LIPC: variants seen among roughly 807,000 people sequenced by gnomAD.
LIPC encodes the protein hepatic triacylglycerol lipase.
In LIPC, 44 loss-of-function variants were observed where a neutral mutation model predicts 50.7. The ratio of observed to expected loss-of-function variants is 0.87; its 90% CI spans 0.68 to 1.11. The LOEUF is 1.11. Ranked by LOEUF, LIPC falls within the 50% of genes most tolerant of loss-of-function variation. The pLI, the probability that LIPC is intolerant of heterozygous loss-of-function variation, is 0.00. For synonymous variants in LIPC, 271 were observed against 256.4 expected (o/e 1.06, Z -0.54); for missense variants, 697 against 648.2 (o/e 1.08, Z -0.82).
chr15:58,492,462 C>T (rs1468822969), intron 1 of LIPC, among the ~76,000 whole-genome samples: 1 of 152,202 alleles, frequency 6.6e-6, no homozygotes, highest in Non-Finnish European at 1.5e-5. Flanking sequence ...CATTCTCCTA[C>T]TCTAAACCCC....
chr15:58,472,499 C>G (rs530409696), intron 1 of LIPC, among the ~76,000 whole-genome samples: 46 of 148,292 alleles, frequency 3.1e-4, no homozygotes, highest in Admixed American at 6.8e-4. Flanking sequence ...TCACTTGATC[C>G]TGGGAGATGG....
intron 1 of LIPC, among the ~76,000 whole-genome samples, chr15:58,449,298 T>C (rs554267015): frequency 6.6e-6 from 1 of 152,206 alleles, no homozygotes; most frequent in African/African-American, 2.4e-5. Context: ...TGGGTTGTAT[T>C]TGCAAGGATG....
intron 1 of LIPC, among the ~76,000 whole-genome samples, chr15:58,511,369 G>T (rs1029763616): frequency 6.6e-5 from 10 of 152,152 alleles, no homozygotes; most frequent in Non-Finnish European, 1.5e-4. Flanking sequence ...AACGCAAGGA[G>T]ATGCAGGCAA....
intron 1 of LIPC, among the ~76,000 whole-genome samples, chr15:58,531,479 G>A (rs1412800332): frequency 6.6e-6 from 1 of 152,076 alleles, no homozygotes; most frequent in Non-Finnish European, 1.5e-5. Flanking sequence ...AGCCTGAAGT[G>A]CAGTAGAATT....
chr15:58,488,752 G>A (rs1465982396), intron 1 of LIPC, among the ~76,000 whole-genome samples: 1 of 152,122 alleles, frequency 6.6e-6, no homozygotes, highest in Non-Finnish European at 1.5e-5. Flanking sequence ...TTGTACAGAT[G>A]AGCACCTTTC....
chr15:58,508,923 C>T (rs1892248741), intron 1 of LIPC, among the ~76,000 whole-genome samples: 1 of 152,086 alleles, frequency 6.6e-6, no homozygotes, highest in Admixed American at 6.5e-5. Context: ...CCCAGCCTCT[C>T]TGTTGAGTAC....
At chr15:58,442,335 A>C (rs1595849530) in intron 1 of LIPC, among the ~76,000 whole-genome samples, 1 of 152,198 alleles carries the variant, frequency 6.6e-6, no homozygotes, top group African/African-American at 2.4e-5. Flanking sequence ...CTGAACCTTA[A>C]TTGACTCATT....
chr15:58,541,694 T>C (rs890932629), intron 2 of LIPC, 91 bp from the exon 3 acceptor site: 91 of 1,322,358 alleles, frequency 6.9e-5, no homozygotes, highest in Non-Finnish European at 8.7e-5. Flanking sequence ...TAGCAAGCCC[T>C]TCCTCCAGCA....
At chr15:58,568,472 T>C (rs1219460546) in intron 8 of LIPC, among the ~76,000 whole-genome samples, 1 of 152,228 alleles carries the variant, frequency 6.6e-6, no homozygotes, top group Non-Finnish European at 1.5e-5. Context: ...CCCAGGACTT[T>C]CCTTCTTACA....
chr15:58,509,382 A>G (rs1460398123), intron 1 of LIPC, among the ~76,000 whole-genome samples: 1 of 152,194 alleles, frequency 6.6e-6, no homozygotes, highest in Admixed American at 6.5e-5. Context: ...TGTAGAATCA[A>G]GAAGACTGAA....
chr15:58,486,510 C>T (rs1296268746), intron 1 of LIPC, among the ~76,000 whole-genome samples: 4 of 152,212 alleles, frequency 2.6e-5, no homozygotes, highest in African/African-American at 9.6e-5. Flanking sequence ...TGAGATGAAG[C>T]CCTGTGCCTT....
chr15:58,562,799 C>T (rs548288623), intron 7 of LIPC, among the ~76,000 whole-genome samples: 1 of 133,720 alleles, frequency 7.5e-6, no homozygotes, highest in Admixed American at 7.4e-5. Context: ...CCAAGCCACA[C>T]AAGGGACCCC....
chr15:58,564,059 A>G (rs1286882346), intron 8 of LIPC: 1 of 397,126 alleles, frequency 2.5e-6, no homozygotes, highest in Non-Finnish European at 4.8e-6. Context: ...CAGTGCTGCC[A>G]GTCCAAGGTG....
At chr15:58,494,092 G>A (rs1405104086) in intron 1 of LIPC, among the ~76,000 whole-genome samples, 1 of 152,226 alleles carries the variant, frequency 6.6e-6, no homozygotes, top group African/African-American at 2.4e-5. Flanking sequence ...TACTGGGACA[G>A]AGGCTTCAGT....
At chr15:58,504,025 T>C (rs1595903697) in intron 1 of LIPC, among the ~76,000 whole-genome samples, 1 of 152,144 alleles carries the variant, frequency 6.6e-6, no homozygotes, top group African/African-American at 2.4e-5. Context: ...TGACAGGACA[T>C]CATTTTCCAA....
chr15:58,533,936 T>A (rs1893033947), intron 1 of LIPC, among the ~76,000 whole-genome samples: 1 of 152,078 alleles, frequency 6.6e-6, no homozygotes, highest in Non-Finnish European at 1.5e-5. Flanking sequence ...TGCAACACTA[T>A]AATTTGAAGG....
Position 58,538,426 on chromosome 15 carries a change from G to A in LIPC, c.182G>A (p.Gly61Asp). ...RFLLFGETNQ[G>D]CQIRINHPDT... ...CTGCTCTTTGGAGAAACCAATCAGG[G>A]CTGTCAGATTCGAATCAATCATCCG... The change falls in exon 2 of 9, where the codon GGC becomes GAC. Residue 61 changes from glycine to aspartate, a missense_variant. Gly to Asp is a moderately conservative substitution (Grantham distance 94). Transcript: ENST00000299022. The A allele has an allele frequency of 6.2e-7, 1 of 1,614,140 alleles. No individual in the cohort carries two copies. The highest frequency in any genetic ancestry group is 8.5e-7 in the Non-Finnish European group (1 of 1,180,008).
chr15:58,488,725 T>G (rs1452910203), intron 1 of LIPC, among the ~76,000 whole-genome samples: 1 of 152,142 alleles, frequency 6.6e-6, no homozygotes, highest in African/African-American at 2.4e-5. Flanking sequence ...CACTATCCAG[T>G]CTTAAGGTAA....
chr15:58,461,400 G>A (rs775976351), intron 1 of LIPC, among the ~76,000 whole-genome samples: 1 of 152,216 alleles, frequency 6.6e-6, no homozygotes, highest in East Asian at 1.9e-4. Flanking sequence ...TCTCAGTACA[G>A]AGCCTATGGT....
Sources: gnomAD v4.1 joint callset for allele counts (sites outside exome capture counted in the v4.1 genomes callset) on GRCh38, gnomAD v4.1.1 for gene constraint, MANE v1.5 for transcripts, NCBI Gene and HGNC (gene_info 2026-07-23, HGNC 2026-07-21) for gene names.